The following HNF4A variants were observed in gnomAD, a reference collection of about 807,000 sequenced individuals.
The protein encoded by HNF4A is hepatocyte nuclear factor 4-alpha.
A neutral mutation model predicts 52.4 loss-of-function variants in HNF4A; 15 were observed. That is an observed-to-expected ratio of 0.29 (90% confidence interval 0.19 to 0.44). The LOEUF is 0.44. Ranked by LOEUF, HNF4A falls within the 20% of genes least tolerant of loss-of-function variation. The pLI is 1.00. For synonymous variants in HNF4A, 280 were observed against 264.4 expected (o/e 1.06, Z -0.57); for missense variants, 479 against 647.2 (o/e 0.74, Z 2.82).
rs557673469 is a variant in HNF4A at position 44,402,496 on chromosome 20, T to G, written c.115+1009T>G. ...CACAGACCCAAATGCAGGACTCTGT[T>G]GTTGCCACTCACCAAGTGAGATTCA... On this transcript the variant is annotated intron_variant, in intron 1 of 9. Coordinates refer to ENST00000316099, the MANE Select transcript of HNF4A (RefSeq NM_000457.6). The G allele has an allele frequency of 3.3e-6, 4 of 1,208,478 alleles. No homozygotes were observed. The African/African-American group carries it at 6.2e-5, about 19-fold the overall frequency. The allele number at this position is 1,208,478 out of a possible 1,614,324, so 74.9% of individuals were successfully genotyped here.
chr20:44,362,765 T>G (rs533560983), intron 1 of HNF4A, among the ~76,000 whole-genome samples: 1 of 152,264 alleles, frequency 6.6e-6, no homozygotes, highest in Admixed American at 6.5e-5. Context: ...TCAGCTATTA[T>G]GTCATAATAG....
intron 1 of HNF4A, among the ~76,000 whole-genome samples, chr20:44,370,428 C>G (rs556644902): frequency 2.4e-4 from 36 of 152,204 alleles, no homozygotes; most frequent in Non-Finnish European, 4.9e-4. Flanking sequence ...TTCCCCAGAT[C>G]TTTGCATAGC....
chr20:44,407,313 G>C, intron 2 of HNF4A, 68 bp from the exon 3 acceptor site: 1 of 1,172,492 alleles, frequency 8.5e-7, no homozygotes, highest in East Asian at 2.5e-5. Flanking sequence ...GGATAGCCAG[G>C]GCCCTAGTTC....
rs1481714420 is a variant in HNF4A at position 44,406,169 on chromosome 20, G to C, written c.227G>C (p.Ser76Thr). The C allele has an allele frequency of 6.2e-7, 1 of 1,614,010 alleles. No homozygotes were observed. Among genetic ancestry groups the C allele is most frequent in the Admixed American group, 1.7e-5 (1 of 60,030 alleles). ...ACGGGCAAACACTACGGTGCCTCGAGCTGTGACGGCTGCAAGGGCTTCTTC... is the reference window on the plus strand; with the variant it reads ...ACGGGCAAACACTACGGTGCCTCGACCTGTGACGGCTGCAAGGGCTTCTTC... The change falls in exon 2 of 10, where the codon AGC becomes ACC. Residue 76 changes from serine to threonine, a missense_variant. Around this residue, in one of 3 missense-constraint regions of HNF4A, gnomAD observed 90 missense variants for 105.5 expected, o/e 0.85. Transcript: ENST00000316099.
At chr20:44,413,308 T>C (rs931651477) in intron 3 of HNF4A, among the ~76,000 whole-genome samples, 3 of 152,172 alleles carry the variant, frequency 2.0e-5, no homozygotes, top group African/African-American at 7.2e-5. Context: ...CAGAGTAATT[T>C]GTTTTGCTTG....
intron 1 of HNF4A, among the ~76,000 whole-genome samples, chr20:44,370,168 C>CA (rs2063018644): frequency 6.6e-6 from 1 of 152,200 alleles, no homozygotes. Flanking sequence ...GCTGGGACTA[C>CA]AGGCGCCCGC....
At chr20:44,411,854 G>A (rs1164211627) in intron 3 of HNF4A, among the ~76,000 whole-genome samples, 9 of 151,240 alleles carry the variant, frequency 6.0e-5, no homozygotes, top group Non-Finnish European at 8.8e-5. Flanking sequence ...CCAGGTTTTC[G>A]AGACCAGCCT....
chr20:44,401,571 G>A (rs2063410098), intron 1 of HNF4A: 5 of 1,524,790 alleles, frequency 3.3e-6, no homozygotes, highest in Non-Finnish European at 4.5e-6. Flanking sequence ...ACTCAACTTT[G>A]GGGTGGGAGG....
intron 1 of HNF4A, among the ~76,000 whole-genome samples, chr20:44,383,227 G>A (rs1324255697): frequency 6.6e-6 from 1 of 152,110 alleles, no homozygotes; most frequent in Non-Finnish European, 1.5e-5. Context: ...TCATTTTATA[G>A]GTAATGCCTC....
At chr20:44,425,080 C>T (rs2063799910) in intron 8 of HNF4A, among the ~76,000 whole-genome samples, 1 of 152,218 alleles carries the variant, frequency 6.6e-6, no homozygotes, top group Admixed American at 6.5e-5. Flanking sequence ...CTCCCGAGTT[C>T]AAGCAATTCT....
At chr20:44,380,558 T>G (rs972192427) in intron 1 of HNF4A, among the ~76,000 whole-genome samples, 2 of 152,220 alleles carry the variant, frequency 1.3e-5, no homozygotes, top group Non-Finnish European at 2.9e-5. Flanking sequence ...CCTCACAAAG[T>G]GGTGAGATTA....
intron 1 of HNF4A, among the ~76,000 whole-genome samples, chr20:44,359,549 T>C (rs1163673900): frequency 6.6e-6 from 1 of 152,186 alleles, no homozygotes; most frequent in Non-Finnish European, 1.5e-5. Flanking sequence ...GGCACACTCC[T>C]GCTCCAAACA....
At chr20:44,408,079 T>C (rs2063529341) in intron 3 of HNF4A, 2 of 167,080 alleles carry the variant, frequency 1.2e-5, no homozygotes, top group Middle Eastern at 1.2e-3. Flanking sequence ...GGCTTCCTGC[T>C]ACCAGCAGGT....
chr20:44,386,159 ATTTTTT>A (rs35559000), intron 1 of HNF4A, among the ~76,000 whole-genome samples: 2 of 73,058 alleles, frequency 2.7e-5, no homozygotes, highest in African/African-American at 6.0e-5. Context: ...CCACCATCTG[ATTTTTT>A]TTTTTTTTTT....
downstream of HNF4A, chr20:44,433,123 T>C (rs2063896855): frequency 6.6e-6 from 1 of 152,170 alleles, no homozygotes; most frequent in African/African-American, 2.4e-5. Context: ...AACCCTGGTC[T>C]CTTGATTCCA....
chr20:44,402,440 G>T, intron 1 of HNF4A: 1 of 508,116 alleles, frequency 2.0e-6, no homozygotes, highest in South Asian at 1.7e-5. Flanking sequence ...TGCTGCGGGC[G>T]GGGGTCAGCG....
rs1238939839 is a variant in HNF4A, at chr20:44,406,155, C to T, written c.213C>T (p.His71=). ...GCGGGGACCGGGCCACGGGCAAACA[C>T]TACGGTGCCTCGAGCTGTGACGGCT... Residue 71 remains histidine (H), a synonymous_variant, in exon 2 of 10, where the codon CAC becomes CAT. Coordinates refer to ENST00000316099, the MANE Select transcript of HNF4A (RefSeq NM_000457.6). 3.7e-6 allele frequency: 6 copies of T among 1,613,992 alleles called. No individual in the cohort carries two copies. The highest frequency in any genetic ancestry group is 5.1e-6 in the Non-Finnish European group (6 of 1,180,030).
At chr20:44,422,170 C>T (rs767794248) in intron 7 of HNF4A, among the ~76,000 whole-genome samples, 37 of 152,128 alleles carry the variant, frequency 2.4e-4, no homozygotes, top group Admixed American at 1.3e-4. Flanking sequence ...CACATTCTTA[C>T]CTACCACCTG....
At chr20:44,378,846 G>C (rs1296757074) in intron 1 of HNF4A, among the ~76,000 whole-genome samples, 1 of 151,190 alleles carries the variant, frequency 6.6e-6, no homozygotes, top group Non-Finnish European at 1.5e-5. Flanking sequence ...TTGAACCCGG[G>C]AAGTGGAGGT....
Sources: allele counts gnomAD v4.1 joint callset (sites outside exome capture counted in the v4.1 genomes callset), GRCh38; gene constraint gnomAD v4.1.1; regional missense constraint gnomAD v4.1.1; transcripts MANE v1.5; gene names NCBI Gene and HGNC (gene_info 2026-07-23, HGNC 2026-07-21).